Variants in CEP128 observed in about 807,000 individuals in gnomAD.
CEP128 encodes the protein centrosomal protein 128kDa.
In CEP128, 132 loss-of-function variants were observed where a neutral mutation model predicts 156.7. That is an observed-to-expected ratio of 0.84 (90% CI 0.73 to 0.97). The LOEUF is 0.97. Among genes scored for constraint, CEP128 ranks in the 50% least tolerant of loss-of-function variants. The pLI, the probability that CEP128 is intolerant of heterozygous loss-of-function variation, is 0.00. For synonymous variants in CEP128, 469 were observed against 448.9 expected (o/e 1.04, Z -0.57); for missense variants, 1,252 against 1,281.9 (o/e 0.98, Z 0.36).
chr14:80,642,293 CAATAACAAAAATG>C (rs1468816565), intron 19 of CEP128, among the ~76,000 whole-genome samples: 1 of 152,056 alleles, frequency 6.6e-6, no homozygotes, highest in African/African-American at 2.4e-5. Flanking sequence ...AAAGCTTTAG[CAATAACAAAAATG>C]AATAATTCTT....
chr14:80,487,189 AG>A (rs1460041061), downstream of CEP128, among the ~76,000 whole-genome samples: 2 of 152,112 alleles, frequency 1.3e-5, no homozygotes, highest in African/African-American at 4.8e-5. Context: ...AGATCTACCA[AG>A]CAAATGGAAA....
intron 13 of CEP128, among the ~76,000 whole-genome samples, chr14:80,801,362 T>G (rs1246897352): frequency 1.4e-5 from 2 of 145,518 alleles, no homozygotes; most frequent in African/African-American, 5.1e-5. Context: ...AATATGATAT[T>G]GGCTGTGGGT....
At chr14:80,757,849 T>C (rs892817876) in intron 17 of CEP128, among the ~76,000 whole-genome samples, 1 of 152,172 alleles carries the variant, frequency 6.6e-6, no homozygotes, top group African/African-American at 2.4e-5. Context: ...CCACCACATA[T>C]CACATATGTG....
chr14:80,548,411 T>C (rs538652730), intron 21 of CEP128, among the ~76,000 whole-genome samples: 2 of 152,306 alleles, frequency 1.3e-5, no homozygotes, highest in African/African-American at 2.4e-5. Context: ...GTATAAAATA[T>C]ACTATTCCCC....
At chr14:80,707,533 AT>A (rs752850025) in intron 19 of CEP128, among the ~76,000 whole-genome samples, 16 of 152,162 alleles carry the variant, frequency 1.1e-4, no homozygotes, top group Non-Finnish European at 2.4e-4. Flanking sequence ...AAATATCATA[AT>A]CTTGGTGCTA....
intron 21 of CEP128, among the ~76,000 whole-genome samples, chr14:80,545,488 A>G (rs552277936): frequency 1.3e-5 from 2 of 152,302 alleles, no homozygotes; most frequent in Admixed American, 6.5e-5. Context: ...TAAATCAGTC[A>G]ATTTGTTGTA....
intron 14 of CEP128, among the ~76,000 whole-genome samples, chr14:80,787,373 T>C (rs921288093): frequency 6.6e-6 from 1 of 152,160 alleles, no homozygotes; most frequent in Non-Finnish European, 1.5e-5. Flanking sequence ...CCTTGGCTCA[T>C]GGACTCTGCC....
At chr14:80,532,586 T>A (rs17110737) in intron 21 of CEP128, among the ~76,000 whole-genome samples, 1 of 152,098 alleles carries the variant, frequency 6.6e-6, no homozygotes, top group Non-Finnish European at 1.5e-5. Context: ...TTACAGACAC[T>A]TTCAATGTAC....
At chr14:80,716,480 T>C (rs1008392625) in intron 19 of CEP128, among the ~76,000 whole-genome samples, 6 of 152,330 alleles carry the variant, frequency 3.9e-5, no homozygotes, top group South Asian at 2.1e-4. Context: ...TTCAGGACAT[T>C]TCATATAAAC....
intron 21 of CEP128, among the ~76,000 whole-genome samples, chr14:80,537,882 T>C (rs10498542): frequency 0.029 from 4,394 of 152,220 alleles, 94 homozygotes; most frequent in Middle Eastern, 0.082. Context: ...CATCCCTAAT[T>C]TGTGGATATT....
At chr14:80,896,827 C>T (rs1889369607) in intron 7 of CEP128, among the ~76,000 whole-genome samples, 1 of 151,816 alleles carries the variant, frequency 6.6e-6, no homozygotes, top group Non-Finnish European at 1.5e-5. Flanking sequence ...TGAAGACCTT[C>T]TTCTCAAAGG....
In CEP128 at chr14:80,838,411, A is replaced by T; in HGVS notation, c.850-133T>A. The T allele has an allele frequency of 3.3e-6, 2 of 612,372 alleles. 1 individual carries two copies. Among genetic ancestry groups the T allele is most frequent in the Non-Finnish European group, 5.8e-6 (2 of 344,924 alleles). 37.9% of individuals were successfully genotyped at this position (612,372 alleles called of 1,614,324 possible). On this transcript the variant is annotated intron_variant, in intron 10 of 24. Coordinates refer to ENST00000555265, the MANE Select transcript of CEP128 (RefSeq NM_152446.5). ...ATTTACAGCTAATATAAAAGAATAA[A>T]TATCTCACTATGAACATATATCAAT...
chr14:80,523,203 T>A (rs183801397), intron 23 of CEP128, among the ~76,000 whole-genome samples: 7 of 152,348 alleles, frequency 4.6e-5, no homozygotes, highest in South Asian at 2.1e-4. Flanking sequence ...TGGTCTGCTA[T>A]TCCAACAGTT....
At chr14:80,502,997 T>C (rs1376817892) in intron 24 of CEP128, among the ~76,000 whole-genome samples, 1 of 152,092 alleles carries the variant, frequency 6.6e-6, no homozygotes, top group Non-Finnish European at 1.5e-5. Context: ...ATAATTCAAT[T>C]ACTTGAAAGT....
At chr14:80,556,368 T>C (rs1167236301) in intron 21 of CEP128, among the ~76,000 whole-genome samples, 2 of 152,186 alleles carry the variant, frequency 1.3e-5, no homozygotes, top group African/African-American at 4.8e-5. Flanking sequence ...TTGAGATACA[T>C]GCAGTTTAAC....
intron 19 of CEP128, among the ~76,000 whole-genome samples, chr14:80,709,501 T>A (rs576418521): frequency 6.6e-6 from 1 of 152,324 alleles, no homozygotes; most frequent in South Asian, 2.1e-4. Context: ...TTTTTCAGCA[T>A]TTTGCTGGAT....
intron 22 of CEP128, among the ~76,000 whole-genome samples, chr14:80,527,429 TA>T (rs368392939): frequency 0.028 from 3,551 of 126,092 alleles, 61 homozygotes; most frequent in Non-Finnish European, 0.04. Context: ...AGGCTCTGTC[TA>T]AAAAAAAAAA....
rs751894085 is a variant in CEP128 at position 80,743,221 on chromosome 14, C to G, written c.2660G>C (p.Arg887Thr). The change falls in exon 19 of 25, where the codon AGA (arginine) becomes ACA (threonine). Residue 887 changes from arginine to threonine, a missense_variant. Arg to Thr is a moderately conservative substitution (Grantham distance 71). Coordinates refer to ENST00000555265, the MANE Select transcript of CEP128 (RefSeq NM_152446.5). ...LCEELKEREN[R>T]EKNLRHQLML... ...CAGCTGGTGTCGCAGATTTTTCTCT[C>G]TGTTTTCTCTCTCTTTCAGTTCCTC... 6.2e-7 allele frequency: 1 copy of G among 1,613,558 alleles called. No individual in the cohort carries two copies. Among genetic ancestry groups the G allele is most frequent in the Admixed American group, 1.7e-5 (1 of 59,930 alleles).
intron 23 of CEP128, chr14:80,526,648 T>TG (rs984270158): frequency 2.2e-5 from 8 of 368,064 alleles, no homozygotes; most frequent in African/African-American, 1.7e-4. Flanking sequence ...CAAGCAGTGA[T>TG]GGCACAGACT....
Sources: allele counts gnomAD v4.1 joint callset (sites outside exome capture counted in the v4.1 genomes callset), GRCh38; gene constraint gnomAD v4.1.1; transcripts MANE v1.5; gene names NCBI Gene and HGNC (gene_info 2026-07-23, HGNC 2026-07-21).